The following CLYBL variants were observed in gnomAD, a reference collection of about 807,000 sequenced individuals.
CLYBL encodes the protein citramalyl-CoA lyase, mitochondrial.
Under a neutral mutation model 38.9 loss-of-function variants are expected in CLYBL, and 31 were observed. The observed-to-expected ratio is 0.80, with a 90% CI of 0.60 to 1.08. CLYBL has a LOEUF of 1.08. Among genes scored for constraint, CLYBL ranks in the 50% least tolerant of loss-of-function variants. The pLI is 0.00. For missense variants in CLYBL, 434 were observed against 411.6 expected (o/e 1.05, Z -0.47); for synonymous variants, 171 against 158.6 (o/e 1.08, Z -0.59).
At chr13:99,836,155 A>G (rs990359122) in intron 2 of CLYBL, among the ~76,000 whole-genome samples, 13 of 152,172 alleles carry the variant, frequency 8.5e-5, no homozygotes, top group African/African-American at 2.9e-4. Context: ...AGAAGCTTCC[A>G]GCCGTGAGTA....
chr13:99,674,855 G>C (rs995676219), intron 1 of CLYBL, among the ~76,000 whole-genome samples: 1 of 152,174 alleles, frequency 6.6e-6, no homozygotes, highest in Admixed American at 6.5e-5. Context: ...CACTGGGTCA[G>C]ATAATTAGGA....
At chr13:99,707,426 C>T (rs1052646913) in intron 1 of CLYBL, among the ~76,000 whole-genome samples, 16 of 152,004 alleles carry the variant, frequency 1.1e-4, no homozygotes, top group Admixed American at 5.2e-4. Flanking sequence ...TGCGCCACCA[C>T]GCCCGGCTAA....
At position 99,771,816 on chromosome 13, in the gene CLYBL, G is replaced by A. The variant is rs985644052; in HGVS notation, c.63-1008G>A. Among the ~76,000 whole-genome samples the A allele has an allele frequency of 2.6e-5, 4 of 152,276 alleles. 1 individual carries two copies. The South Asian group carries it at 8.3e-4, about 32-fold the overall frequency. On this transcript the variant is annotated intron_variant, in intron 1 of 8. Coordinates refer to ENST00000339105, the MANE Select transcript of CLYBL (RefSeq NM_206808.5). Reference sequence around the variant, plus strand: ...CTGCTGGTACTCCTGCTACACCCACGACCATTTCAAGTAGCTAAAATATCT... The same window carrying A: ...CTGCTGGTACTCCTGCTACACCCACAACCATTTCAAGTAGCTAAAATATCT...
chr13:99,701,823 C>T (rs1278385631), intron 1 of CLYBL, among the ~76,000 whole-genome samples: 1 of 152,114 alleles, frequency 6.6e-6, no homozygotes, highest in African/African-American at 2.4e-5. Context: ...TACAGGTGTG[C>T]ACCACCTTGC....
chr13:99,885,890 C>T (rs1411678726), intron 7 of CLYBL, among the ~76,000 whole-genome samples: 1 of 152,134 alleles, frequency 6.6e-6, no homozygotes, highest in Non-Finnish European at 1.5e-5. Context: ...AGCCGTATCC[C>T]AGGAGGCCAC....
chr13:99,867,954 C>T (rs1436489468), intron 6 of CLYBL, among the ~76,000 whole-genome samples: 2 of 152,150 alleles, frequency 1.3e-5, no homozygotes, highest in African/African-American at 4.8e-5. Context: ...ACTGAATTAA[C>T]TTGGCCCCTA....
intron 2 of CLYBL, among the ~76,000 whole-genome samples, chr13:99,827,027 GTTA>G (rs1277093110): frequency 2.0e-5 from 3 of 150,908 alleles, no homozygotes; most frequent in African/African-American, 7.5e-5. Context: ...CCCTGTTTAA[GTTA>G]TTATTTTTAT....
intron 2 of CLYBL, among the ~76,000 whole-genome samples, chr13:99,794,497 T>A (rs1240737155): frequency 6.6e-6 from 1 of 152,100 alleles, no homozygotes; most frequent in Non-Finnish European, 1.5e-5. Flanking sequence ...GAGAACATGC[T>A]TCATATCAAA....
At chr13:99,736,038 C>T (rs201261490) in intron 1 of CLYBL, among the ~76,000 whole-genome samples, 18 of 76,152 alleles carry the variant, frequency 2.4e-4, no homozygotes, top group East Asian at 8.8e-4. Context: ...CGTTTCTTTT[C>T]TTTTTTTTTT....
At chr13:99,804,959 C>G (rs554302936) in intron 2 of CLYBL, among the ~76,000 whole-genome samples, 82 of 152,294 alleles carry the variant, frequency 5.4e-4, no homozygotes, top group Middle Eastern at 3.4e-3. Context: ...ATTCTGCTTT[C>G]TGTCTATATG....
At chr13:99,888,875 AC>A (rs2052418558) in intron 7 of CLYBL, among the ~76,000 whole-genome samples, 1 of 152,024 alleles carries the variant, frequency 6.6e-6, no homozygotes, top group African/African-American at 2.4e-5. Context: ...TTTTCATCTC[AC>A]CTATAGACCC....
chr13:99,761,927 T>C (rs1319335021), intron 1 of CLYBL, among the ~76,000 whole-genome samples: 7 of 152,242 alleles, frequency 4.6e-5, no homozygotes, highest in Non-Finnish European at 2.9e-5. Context: ...CTAGTGATGT[T>C]ACCATTTTTT....
chr13:99,758,425 T>G (rs2049105624), intron 1 of CLYBL, among the ~76,000 whole-genome samples: 1 of 152,226 alleles, frequency 6.6e-6, no homozygotes, highest in Non-Finnish European at 1.5e-5. Flanking sequence ...ATTTTTTGAA[T>G]ACAGTTACAT....
At chr13:99,663,472 GT>G (rs1170313758) in intron 1 of CLYBL, among the ~76,000 whole-genome samples, 1 of 152,126 alleles carries the variant, frequency 6.6e-6, no homozygotes, top group Non-Finnish European at 1.5e-5. Context: ...TCCACTGCTG[GT>G]CAGCAGAACC....
intron 1 of CLYBL, among the ~76,000 whole-genome samples, chr13:99,660,539 C>T (rs557405362): frequency 1.8e-4 from 27 of 152,280 alleles, no homozygotes; most frequent in Admixed American, 5.9e-4. Flanking sequence ...GTTTATACTC[C>T]TGTGTTCTCA....
intron 2 of CLYBL, among the ~76,000 whole-genome samples, chr13:99,774,267 G>T (rs1176646765): frequency 6.6e-6 from 1 of 152,082 alleles, no homozygotes; most frequent in South Asian, 2.1e-4. Flanking sequence ...TAACCAATTT[G>T]TAAATAGGTA....
intron 2 of CLYBL, among the ~76,000 whole-genome samples, chr13:99,857,393 A>G (rs929123652): frequency 1.3e-5 from 2 of 150,968 alleles, no homozygotes; most frequent in Non-Finnish European, 3.0e-5. Flanking sequence ...TTTTATATCT[A>G]TGGAATAAAA....
intron 1 of CLYBL, among the ~76,000 whole-genome samples, chr13:99,644,304 T>A (rs939600706): frequency 2.0e-5 from 3 of 152,070 alleles, no homozygotes; most frequent in African/African-American, 2.4e-5. Context: ...TCACTATAAA[T>A]ACACTTCTTC....
At chr13:99,761,364 A>G in intron 1 of CLYBL, among the ~76,000 whole-genome samples, 1 of 152,198 alleles carries the variant, frequency 6.6e-6, no homozygotes, top group Non-Finnish European at 1.5e-5. Context: ...AGAAAAAAAT[A>G]TATATTTTCT....
Sources: allele counts gnomAD v4.1 joint callset (sites outside exome capture counted in the v4.1 genomes callset), GRCh38; gene constraint gnomAD v4.1.1; transcripts MANE v1.5; gene names NCBI Gene and HGNC (gene_info 2026-07-23, HGNC 2026-07-21).